IMMP2L: variants seen among roughly 807,000 people sequenced by gnomAD.
The protein encoded by IMMP2L is mitochondrial inner membrane protease subunit 2.
In IMMP2L, 18 loss-of-function variants were observed where a neutral mutation model predicts 19.3. The observed-to-expected ratio is 0.93, with a 90% confidence interval of 0.64 to 1.38. The LOEUF is 1.38. Among genes scored for constraint, IMMP2L ranks in the 40% most tolerant of loss-of-function variants. The probability of loss-of-function intolerance (pLI) is 0.00; values close to 1 mark genes in which losing one functional copy is unlikely to be tolerated. For missense variants in IMMP2L, 233 were observed against 218.2 expected (o/e 1.07, Z -0.43); for synonymous variants, 76 against 73.0 (o/e 1.04, Z -0.21).
At chr7:110,783,921 T>C (rs1214621904) in intron 5 of IMMP2L, among the ~76,000 whole-genome samples, 1 of 151,880 alleles carries the variant, frequency 6.6e-6, no homozygotes, top group African/African-American at 2.4e-5. Flanking sequence ...GGTCCCTCCA[T>C]AAAAAGACAT....
At chr7:111,017,053 T>C (rs902208292) in intron 3 of IMMP2L, among the ~76,000 whole-genome samples, 1 of 142,644 alleles carries the variant, frequency 7.0e-6, no homozygotes, top group African/African-American at 2.6e-5. Context: ...TTGCATTTTT[T>C]AATATATGTG....
At chr7:111,464,599 AACAAT>A (rs977092553) in intron 3 of IMMP2L, among the ~76,000 whole-genome samples, 1 of 152,192 alleles carries the variant, frequency 6.6e-6, no homozygotes, top group African/African-American at 2.4e-5. Flanking sequence ...AAGTGCTTAG[AACAAT>A]ACCTGGCTTG....
intron 5 of IMMP2L, among the ~76,000 whole-genome samples, chr7:110,732,107 T>C (rs1796310222): frequency 6.6e-6 from 1 of 152,100 alleles, no homozygotes; most frequent in Non-Finnish European, 1.5e-5. Context: ...TGGGAGAACA[T>C]GTATGACGGT....
At chr7:111,403,782 T>C (rs1487268487) in intron 3 of IMMP2L, among the ~76,000 whole-genome samples, 1 of 152,116 alleles carries the variant, frequency 6.6e-6, no homozygotes, top group Non-Finnish European at 1.5e-5. Flanking sequence ...TGAGGATCCC[T>C]TTCTGTGTAA....
At chr7:110,971,602 T>C (rs1820148964) in intron 3 of IMMP2L, among the ~76,000 whole-genome samples, 1 of 152,154 alleles carries the variant, frequency 6.6e-6, no homozygotes, top group African/African-American at 2.4e-5. Flanking sequence ...ACAGACTTAA[T>C]TTGTTTTGAG....
chr7:110,874,595 A>G (rs2129544203), intron 5 of IMMP2L, among the ~76,000 whole-genome samples: 1 of 152,172 alleles, frequency 6.6e-6, no homozygotes, highest in African/African-American at 2.4e-5. Context: ...TCCATCTAAA[A>G]AAATACTTCT....
At chr7:110,855,680 TCCCAATCCAA>T (rs1305245140) in intron 5 of IMMP2L, among the ~76,000 whole-genome samples, 1 of 152,010 alleles carries the variant, frequency 6.6e-6, no homozygotes, top group Non-Finnish European at 1.5e-5. Context: ...ATTTTTATTT[TCCCAATCCAA>T]ATTTATCCCT....
At chr7:111,242,025 T>C (rs187050748) in intron 3 of IMMP2L, among the ~76,000 whole-genome samples, 1 of 152,184 alleles carries the variant, frequency 6.6e-6, no homozygotes, top group Admixed American at 6.6e-5. Context: ...TGAAATAGGT[T>C]TTCTTTCTAG....
rs1327787972 is a variant in IMMP2L, at chr7:111,521,415, G to T, written c.33C>A (p.Tyr11Ter). 1 of 1,612,622 alleles carries T rather than the reference G, an allele frequency of 6.2e-7. No individual in the cohort carries two copies. The change falls in exon 2 of 6, where the codon TAC (tyrosine) becomes TAA (stop). Residue 11 changes from tyrosine to a stop codon, truncating the protein, a stop_gained. Coordinates refer to ENST00000405709, the MANE Select transcript of IMMP2L (RefSeq NM_032549.4). LOFTEE classifies it high-confidence loss of function. ...AGAAGCCTTTACAAAAGGCCTTGAT[G>T]TATCTTTTCACCCACCCTTGTGACT... The part of the protein sequence containing the change: MAQSQGWVKR[Y>*]IKAFCKGFFV...
At chr7:111,253,559 A>G (rs1211811546) in intron 3 of IMMP2L, among the ~76,000 whole-genome samples, 1 of 152,154 alleles carries the variant, frequency 6.6e-6, no homozygotes, top group Non-Finnish European at 1.5e-5. Context: ...AAGTCTTGAG[A>G]GGGAGGCAAG....
At position 110,969,291 on chromosome 7, in the gene IMMP2L, C is replaced by T. The variant is rs1358660240; in HGVS notation, c.240-5726G>A. On this transcript the variant is annotated intron_variant, in intron 3 of 5. Transcript: ENST00000405709. ...CAATACCGTTTCATTAATTAGCACT[C>T]TCAAAATTTTTATGTAGGTCAGTAG... 2.6e-5 allele frequency among the ~76,000 whole-genome samples: 4 copies of T among 152,020 alleles called. No homozygotes were observed. In the East Asian group the frequency reaches 7.8e-4, roughly 29 times the overall value.
chr7:110,696,425 C>CTTTTTTTTTT (rs374621101), intron 5 of IMMP2L, among the ~76,000 whole-genome samples: 4 of 119,858 alleles, frequency 3.3e-5, no homozygotes, highest in Non-Finnish European at 5.0e-5. Context: ...TCCTTTTTCT[C>CTTTTTTTTTT]TTTTTTTTTT....
intron 3 of IMMP2L, among the ~76,000 whole-genome samples, chr7:111,306,346 A>C (rs973109147): frequency 2.6e-5 from 4 of 152,116 alleles, no homozygotes; most frequent in Non-Finnish European, 4.4e-5. Flanking sequence ...CAACTGTAAC[A>C]AATGTACCAG....
chr7:110,808,465 G>A (rs1381475285), intron 5 of IMMP2L, among the ~76,000 whole-genome samples: 2 of 151,994 alleles, frequency 1.3e-5, no homozygotes, highest in African/African-American at 2.4e-5. Flanking sequence ...GGCTAATTGT[G>A]TCTTCTGAGC....
chr7:111,349,970 CT>C (rs11325040), intron 3 of IMMP2L, among the ~76,000 whole-genome samples: 3,032 of 142,874 alleles, frequency 0.021, 84 homozygotes, highest in African/African-American at 0.067. Context: ...AAAGATGGTC[CT>C]TTTTTTTTTT....
intron 3 of IMMP2L, among the ~76,000 whole-genome samples, chr7:110,985,764 G>A (rs58497951): frequency 6.6e-5 from 10 of 151,884 alleles, no homozygotes; most frequent in Non-Finnish European, 1.2e-4. Flanking sequence ...TCTCAAAGCC[G>A]ACAAAGTTGT....
At chr7:110,933,500 T>C (rs1815730033) in intron 4 of IMMP2L, among the ~76,000 whole-genome samples, 2 of 149,458 alleles carry the variant, frequency 1.3e-5, no homozygotes, top group Non-Finnish European at 2.9e-5. Context: ...CCTCTTATGA[T>C]ATTAAACAAG....
intron 5 of IMMP2L, among the ~76,000 whole-genome samples, chr7:110,700,529 T>G (rs965362116): frequency 1.3e-5 from 2 of 152,304 alleles, no homozygotes; most frequent in Middle Eastern, 3.4e-3. Context: ...AGTCAGATAT[T>G]ACCCATAGCC....
At chr7:111,355,538 T>C (rs1045153158) in intron 3 of IMMP2L, among the ~76,000 whole-genome samples, 1 of 151,708 alleles carries the variant, frequency 6.6e-6, no homozygotes, top group Non-Finnish European at 1.5e-5. Context: ...TCAGTTATTC[T>C]CATAAATACC....
Sources: gnomAD v4.1 joint callset for allele counts (sites outside exome capture counted in the v4.1 genomes callset) on GRCh38, gnomAD v4.1.1 for gene constraint, MANE v1.5 for transcripts, NCBI Gene and HGNC (gene_info 2026-07-23, HGNC 2026-07-21) for gene names.